The following ATP2B2 variants were observed in gnomAD, a reference collection of about 807,000 sequenced individuals.
ATP2B2 encodes the protein plasma membrane calcium-transporting ATPase 2.
Under a neutral mutation model 120.0 loss-of-function variants are expected in ATP2B2, and 15 were observed. The ratio of observed to expected loss-of-function variants is 0.12; its 90% CI spans 0.08 to 0.19. ATP2B2 has a LOEUF of 0.19. ATP2B2 is among the 10% of genes least tolerant of loss of function. The probability of loss-of-function intolerance (pLI) is 1.00; values close to 1 mark genes in which losing one functional copy is unlikely to be tolerated. For missense variants in ATP2B2, 1,045 were observed against 1,719.8 expected, an observed-to-expected ratio of 0.61 and a Z score of 6.94; for synonymous variants, 694 against 700.3, an observed-to-expected ratio of 0.99 and a Z score of 0.14.
intron 2 of ATP2B2, among the ~76,000 whole-genome samples, chr3:10,443,784 G>C (rs1223625022): frequency 2.0e-5 from 3 of 152,182 alleles, no homozygotes; most frequent in Non-Finnish European, 4.4e-5. Context: ...AGCCCTCATG[G>C]ATAAAAATGC....
intron 22 of ATP2B2, chr3:10,331,905 G>T: frequency 7.0e-7 from 1 of 1,422,660 alleles, no homozygotes. Flanking sequence ...ATACTCGAAT[G>T]TTTACCCGGC....
At chr3:10,476,831 T>G (rs1291856385) in intron 1 of ATP2B2, among the ~76,000 whole-genome samples, 2 of 152,212 alleles carry the variant, frequency 1.3e-5, no homozygotes, top group African/African-American at 4.8e-5. Context: ...GAGCAGCTAA[T>G]GCAGATGAGC....
intron 1 of ATP2B2, among the ~76,000 whole-genome samples, chr3:10,633,879 GA>G (rs1369331042): frequency 6.6e-6 from 1 of 152,152 alleles, no homozygotes; most frequent in Non-Finnish European, 1.5e-5. Flanking sequence ...ACAGAGACAA[GA>G]AATGCCTGAT....
chr3:10,643,031 C>T (rs1212573431), intron 1 of ATP2B2, among the ~76,000 whole-genome samples: 1 of 152,110 alleles, frequency 6.6e-6, no homozygotes, highest in East Asian at 1.9e-4. Context: ...CTTGTTATGC[C>T]GGAAAGTCAA....
chr3:10,540,590 A>G (rs1047922030), intron 2 of ATP2B2, among the ~76,000 whole-genome samples: 4 of 151,984 alleles, frequency 2.6e-5, no homozygotes, highest in Non-Finnish European at 5.9e-5. Flanking sequence ...GAAGCTGGAA[A>G]CCATCATTCT....
chr3:10,504,177 C>A (rs1241599396), intron 1 of ATP2B2, among the ~76,000 whole-genome samples: 1 of 150,694 alleles, frequency 6.6e-6, no homozygotes, highest in East Asian at 2.0e-4. Flanking sequence ...CCCAACCCCC[C>A]ACAGGACTCC....
intron 2 of ATP2B2, among the ~76,000 whole-genome samples, chr3:10,613,323 C>G (rs910674196): frequency 1.3e-4 from 20 of 152,152 alleles, no homozygotes; most frequent in Admixed American, 1.1e-3. Context: ...CGGCACTTCT[C>G]TGAGTTTGGT....
At chr3:10,669,386 C>T (rs1054510343) in intron 1 of ATP2B2, among the ~76,000 whole-genome samples, 6 of 152,160 alleles carry the variant, frequency 3.9e-5, no homozygotes, top group African/African-American at 1.4e-4. Flanking sequence ...GCCCATACCC[C>T]ATTCCTATTC....
intron 22 of ATP2B2, chr3:10,336,249 G>A (rs912399081): frequency 3.1e-5 from 48 of 1,550,430 alleles, no homozygotes; most frequent in Non-Finnish European, 3.8e-5. Context: ...GACTGTCTCC[G>A]CAGGGCCCCC....
At chr3:10,452,165 G>A (rs1028757933) in intron 1 of ATP2B2, among the ~76,000 whole-genome samples, 10 of 152,394 alleles carry the variant, frequency 6.6e-5, no homozygotes, top group African/African-American at 2.4e-4. Context: ...GTCACACAGT[G>A]GGGAGATGCC....
chr3:10,348,173 T>C (rs985384293), intron 16 of ATP2B2, among the ~76,000 whole-genome samples: 5 of 152,104 alleles, frequency 3.3e-5, no homozygotes, highest in Non-Finnish European at 7.4e-5. Flanking sequence ...CCAACAGGTA[T>C]AGACTGATGG....
intron 12 of ATP2B2, among the ~76,000 whole-genome samples, chr3:10,363,355 G>A (rs938708092): frequency 2.0e-5 from 3 of 152,204 alleles, no homozygotes; most frequent in African/African-American, 7.2e-5. Context: ...TAAGGCATTG[G>A]TATTGTTCCT....
At chr3:10,576,357 G>C (rs2068246850) in intron 2 of ATP2B2, among the ~76,000 whole-genome samples, 3 of 152,200 alleles carry the variant, frequency 2.0e-5, no homozygotes, top group Admixed American at 1.3e-4. Context: ...TGAACACTGA[G>C]CTCAATCAGA....
At chr3:10,604,869 G>C (rs543626626) in intron 2 of ATP2B2, among the ~76,000 whole-genome samples, 1 of 152,248 alleles carries the variant, frequency 6.6e-6, no homozygotes, top group Admixed American at 6.5e-5. Flanking sequence ...TGGGGCCTGT[G>C]GATATTAAAA....
chr3:10,479,492 G>A (rs148900399), intron 1 of ATP2B2, among the ~76,000 whole-genome samples: 2 of 151,746 alleles, frequency 1.3e-5, no homozygotes, highest in African/African-American at 4.8e-5. Flanking sequence ...CACTCATCCT[G>A]GTTGTATTTT....
At chr3:10,469,294 A>G (rs1375686605) in intron 1 of ATP2B2, among the ~76,000 whole-genome samples, 1 of 152,262 alleles carries the variant, frequency 6.6e-6, no homozygotes, top group Non-Finnish European at 1.5e-5. Context: ...TCCACATCAC[A>G]TCCCTATGAG....
intron 3 of ATP2B2, among the ~76,000 whole-genome samples, chr3:10,518,130 T>G (rs2066912225): frequency 6.6e-6 from 1 of 152,196 alleles, no homozygotes; most frequent in African/African-American, 2.4e-5. Flanking sequence ...CCAGTAATGA[T>G]GTTTGCCAGT....
intron 2 of ATP2B2, among the ~76,000 whole-genome samples, chr3:10,423,612 GC>G (rs1387445531): frequency 6.6e-6 from 1 of 152,188 alleles, no homozygotes; most frequent in Non-Finnish European, 1.5e-5. Flanking sequence ...GGCCAGAAAA[GC>G]CCCTTATTCC....
chr3:10,404,856 G>A (rs1003505143), intron 3 of ATP2B2, among the ~76,000 whole-genome samples: 3 of 152,200 alleles, frequency 2.0e-5, no homozygotes, highest in South Asian at 4.1e-4. Flanking sequence ...GAAGGAGTGG[G>A]ATTACAGAGC....
Sources: gnomAD v4.1 joint callset for allele counts (sites outside exome capture counted in the v4.1 genomes callset) on GRCh38, gnomAD v4.1.1 for gene constraint, MANE v1.5 for transcripts, NCBI Gene and HGNC (gene_info 2026-07-23, HGNC 2026-07-21) for gene names.